Variants in TRMT10B observed in about 807,000 individuals in gnomAD.
TRMT10B encodes the protein tRNA methyltransferase 10B, also known as tRNA methyltransferase 10 homolog B.
TRMT10B carries 33 observed loss-of-function variants against 43.8 expected under a neutral mutation model. The ratio of observed to expected loss-of-function variants is 0.75; its 90% CI spans 0.57 to 1.01. The LOEUF is 1.01. Among genes scored for constraint, TRMT10B ranks in the 50% least tolerant of loss-of-function variants. The pLI, the probability that TRMT10B is intolerant of heterozygous loss-of-function variation, is 0.00. For missense variants in TRMT10B, 362 were observed against 369.8 expected (o/e 0.98, Z 0.17); for synonymous variants, 137 against 130.6 (o/e 1.05, Z -0.34).
At chr9:37,776,766 G>A (rs12555125) in intron 8 of TRMT10B, among the ~76,000 whole-genome samples, 19,430 of 151,902 alleles carry the variant, frequency 0.13, 1,412 homozygotes, top group Non-Finnish European at 0.16. Flanking sequence ...AGGCGTGGTG[G>A]TGCACGCCTG....
rs758420828 is a variant in TRMT10B, at chr9:37,770,684, T to G, written c.665T>G (p.Val222Gly). The change falls in exon 7 of 9, where the codon GTT (valine) becomes GGT (glycine). Residue 222 changes from valine to glycine, a missense_variant. Coordinates refer to ENST00000297994, the MANE Select transcript of TRMT10B (RefSeq NM_144964.4). ...TPDSEHALED[V>G]DLNKVYILGG... ...ATTTTTTCATTAGCTCTTGAAGATG[T>G]TGATCTAAACAAAGTTTACATCCTC... The G allele has an allele frequency of 1.2e-6, 2 of 1,613,956 alleles. No individual in the cohort carries two copies. Among genetic ancestry groups the G allele is most frequent in the Non-Finnish European group, 1.7e-6 (2 of 1,180,008 alleles).
chr9:37,755,648 C>A (rs995937487), intron 1 of TRMT10B, among the ~76,000 whole-genome samples: 2 of 152,144 alleles, frequency 1.3e-5, no homozygotes, highest in Non-Finnish European at 2.9e-5. Flanking sequence ...TTAGCTTGTT[C>A]TATTACTCTT....
intron 7 of TRMT10B, among the ~76,000 whole-genome samples, chr9:37,772,115 G>A (rs540983269): frequency 6.6e-6 from 1 of 152,204 alleles, no homozygotes; most frequent in East Asian, 1.9e-4. Context: ...GGGCTCATTT[G>A]AACCGCCCGC....
intron 8 of TRMT10B, among the ~76,000 whole-genome samples, chr9:37,776,691 G>A (rs2118941238): frequency 6.6e-6 from 1 of 152,218 alleles, no homozygotes; most frequent in East Asian, 1.9e-4. Context: ...CCTGAGGTTA[G>A]GAGTTCGAAA....
intron 1 of TRMT10B, among the ~76,000 whole-genome samples, chr9:37,757,017 TTTAA>T (rs1002334391): frequency 6.6e-5 from 10 of 151,894 alleles, no homozygotes; most frequent in African/African-American, 2.4e-4. Flanking sequence ...TTTTTTTTTT[TTTAA>T]TTTGTGATCA....
intron 2 of TRMT10B, 101 bp downstream of exon 2, chr9:37,762,218 TGAGTTTTGTG>T (rs1329586987): frequency 1.6e-5 from 21 of 1,280,656 alleles, no homozygotes; most frequent in Non-Finnish European, 2.1e-5. Flanking sequence ...AGAGACGGAA[TGAGTTTTGTG>T]TATTCTGAGT....
At chr9:37,758,990 CTG>C (rs1443294312) in intron 1 of TRMT10B, among the ~76,000 whole-genome samples, 4 of 152,176 alleles carry the variant, frequency 2.6e-5, no homozygotes, top group African/African-American at 4.8e-5. Context: ...CCCCAGAAAT[CTG>C]TGTACGGGTC....
At chr9:37,772,960 T>G (rs933530499) in intron 7 of TRMT10B, among the ~76,000 whole-genome samples, 1 of 152,236 alleles carries the variant, frequency 6.6e-6, no homozygotes, top group Non-Finnish European at 1.5e-5. Flanking sequence ...TTAATGTAGA[T>G]TGTGTATTAA....
chr9:37,767,176 A>G (rs1017691330), intron 4 of TRMT10B: 7 of 152,080 alleles, frequency 4.6e-5, no homozygotes, highest in Non-Finnish European at 7.4e-5. Flanking sequence ...TGAGGTTCCT[A>G]CCTGAAACTT....
At chr9:37,769,774 T>C (rs1827362717) in intron 5 of TRMT10B, 167 bp from the exon 6 acceptor site, 2 of 639,528 alleles carry the variant, frequency 3.1e-6, no homozygotes, top group Non-Finnish European at 5.6e-6. Flanking sequence ...CTAATTTTTT[T>C]GTATTTTTAG....
chr9:37,777,652 T>C lies in TRMT10B; in HGVS notation c.896T>C (p.Leu299Ser). 6.2e-7 allele frequency: 1 copy of C among 1,614,064 alleles called. No homozygotes were observed. Among genetic ancestry groups the C allele is most frequent in the Non-Finnish European group, 8.5e-7 (1 of 1,179,986 alleles). The change falls in exon 9 of 9, where the codon TTG (leucine) becomes TCG (serine). Residue 299 changes from leucine (L) to serine (S), a missense_variant. Leu to Ser is a moderately radical substitution (Grantham distance 145). Coordinates refer to ENST00000297994, the MANE Select transcript of TRMT10B (RefSeq NM_144964.4). ...YLETHNWPEA[L>S]KKGVSSGKGY... ...GAGACTCACAACTGGCCTGAAGCAT[T>C]GAAGAAAGGAGTTTCTTCAGGAAAA...
In TRMT10B at chr9:37,776,973, C is replaced by G. The variant is rs146252455; in HGVS notation, c.844+568C>G. 5.5e-4 allele frequency among the ~76,000 whole-genome samples: 84 copies of G among 151,398 alleles called. 2 individuals are homozygous for G. The East Asian group carries it at 0.015, about 28-fold the overall frequency. On this transcript the variant is annotated intron_variant, in intron 8 of 8. Coordinates refer to ENST00000297994, the MANE Select transcript of TRMT10B (RefSeq NM_144964.4). Reference sequence around the variant, plus strand: ...CTTTGGGAGGCTGAGGTGGGCAGATCACCTGAGGTCGGGAGGTCGAGACCA... The same window carrying G: ...CTTTGGGAGGCTGAGGTGGGCAGATGACCTGAGGTCGGGAGGTCGAGACCA...
upstream of TRMT10B, among the ~76,000 whole-genome samples, chr9:37,753,450 C>T (rs1391256137): frequency 6.6e-6 from 1 of 152,194 alleles, no homozygotes; most frequent in African/African-American, 2.4e-5. Context: ...TTAAGGTTTC[C>T]TTCGGCAGAG....
In TRMT10B at chr9:37,776,394, C is replaced by T; in HGVS notation, c.833C>T (p.Ala278Val). Residue 278 changes from alanine (A) to valine (V), a missense_variant, in exon 8 of 9, where the codon GCC (alanine) becomes GTC (valine). Physicochemically the swap from Ala to Val is moderately conservative, Grantham distance 64. Transcript: ENST00000297994. Reference sequence around the variant, plus strand: ...AAAAACTATCATTCAGAGATACTGGCCATCAATCAAGGTACTTCTTACACG... The same window carrying T: ...AAAAACTATCATTCAGAGATACTGGTCATCAATCAAGGTACTTCTTACACG... ...NGKNYHSEIL[A>V]INQVFDILST... 6.2e-7 allele frequency: 1 copy of T among 1,608,620 alleles called. No homozygotes were observed. Among genetic ancestry groups the T allele is most frequent in the Non-Finnish European group, 8.5e-7 (1 of 1,178,112 alleles).
At chr9:37,765,510 A>T (rs1452504703) in intron 4 of TRMT10B, among the ~76,000 whole-genome samples, 2 of 151,836 alleles carry the variant, frequency 1.3e-5, no homozygotes, top group Non-Finnish European at 2.9e-5. Context: ...GGTTGGTTCC[A>T]TGTCTTTGCT....
chr9:37,778,278 A>T lies in TRMT10B; in HGVS notation c.*571A>T, dbSNP rs753683209. The T allele has an allele frequency of 2.0e-5, 3 of 152,488 alleles. No individual in the cohort carries two copies. The highest frequency in any genetic ancestry group is 4.4e-5 in the Non-Finnish European group (3 of 68,320). 9.4% of individuals were successfully genotyped at this position (152,488 alleles called of 1,614,324 possible). ...ACGCCTGTAATCCCAGCACTTTGGG[A>T]GGCTGAGGTGAGTGGATTACAAGGT... On this transcript the variant is annotated 3_prime_UTR_variant, in exon 9 of 9. Transcript: ENST00000297994.
chr9:37,770,222 T>G (rs1243804590), intron 6 of TRMT10B, among the ~76,000 whole-genome samples: 1 of 152,174 alleles, frequency 6.6e-6, no homozygotes, highest in Non-Finnish European at 1.5e-5. Context: ...AGCTGCAGAC[T>G]TAGGGTTTCC....
chr9:37,758,233 G>GA (rs1399702253), intron 1 of TRMT10B, among the ~76,000 whole-genome samples: 1 of 152,110 alleles, frequency 6.6e-6, no homozygotes, highest in African/African-American at 2.4e-5. Context: ...ATAACATGGT[G>GA]AAACCCTACC....
chr9:37,776,556 G>A, intron 8 of TRMT10B, 151 bp downstream of exon 8: 1 of 972,748 alleles, frequency 1.0e-6, no homozygotes, highest in Non-Finnish European at 1.4e-6. Flanking sequence ...TGGCCACTAA[G>A]AGGCATTCTG....
Sources: allele counts gnomAD v4.1 joint callset (sites outside exome capture counted in the v4.1 genomes callset), GRCh38; gene constraint gnomAD v4.1.1; transcripts MANE v1.5; gene names NCBI Gene and HGNC (gene_info 2026-07-23, HGNC 2026-07-21).